CALN1: variants seen among roughly 807,000 people sequenced by gnomAD.
CALN1 encodes calcium-binding protein 8.
Under a neutral mutation model 30.6 loss-of-function variants are expected in CALN1, and 17 were observed. The ratio of observed to expected loss-of-function variants is 0.56; its 90% CI spans 0.38 to 0.83. The LOEUF (loss-of-function observed/expected upper bound fraction) is 0.83, where lower values mean the gene tolerates loss of function less well. Among genes scored for constraint, CALN1 ranks in the 40% least tolerant of loss-of-function variants. The pLI, the probability that CALN1 is intolerant of heterozygous loss-of-function variation, is 0.00. For synonymous variants in CALN1, 156 were observed against 131.4 expected (o/e 1.19, Z -1.28); for missense variants, 291 against 354.9 (o/e 0.82, Z 1.45).
At chr7:72,319,249 A>G (rs1259451251) in intron 2 of CALN1, among the ~76,000 whole-genome samples, 2 of 152,204 alleles carry the variant, frequency 1.3e-5, no homozygotes, top group East Asian at 3.8e-4. Context: ...AATTTACAAA[A>G]GAAAGAGGTT....
chr7:71,957,078 C>T (rs936852519), intron 5 of CALN1, among the ~76,000 whole-genome samples: 2 of 151,670 alleles, frequency 1.3e-5, no homozygotes, highest in Admixed American at 6.6e-5. Flanking sequence ...GTGGTGAAAG[C>T]GAAATGAGAC....
chr7:71,887,120 G>A (rs1159021848), intron 5 of CALN1, among the ~76,000 whole-genome samples: 4 of 152,174 alleles, frequency 2.6e-5, no homozygotes, highest in African/African-American at 9.6e-5. Flanking sequence ...GGGGAGCGCC[G>A]AGGGATTTTG....
chr7:72,014,355 G>A (rs1800261485), intron 5 of CALN1, among the ~76,000 whole-genome samples: 1 of 152,094 alleles, frequency 6.6e-6, no homozygotes, highest in Admixed American at 6.6e-5. Flanking sequence ...CCAAAGTGCT[G>A]GGATTACAGG....
intron 5 of CALN1, among the ~76,000 whole-genome samples, chr7:71,849,881 C>T (rs1790537834): frequency 6.6e-6 from 1 of 152,090 alleles, no homozygotes; most frequent in African/African-American, 2.4e-5. Context: ...AATCCTCCCG[C>T]CCAGGCCTTC....
intron 3 of CALN1, among the ~76,000 whole-genome samples, chr7:72,228,216 G>T (rs1242703651): frequency 2.0e-5 from 3 of 151,924 alleles, no homozygotes; most frequent in Non-Finnish European, 4.4e-5. Context: ...TTTGGTCAAA[G>T]AGAGAATGTA....
intron 3 of CALN1, among the ~76,000 whole-genome samples, chr7:72,180,483 C>A (rs1379048728): frequency 6.9e-6 from 1 of 145,564 alleles, no homozygotes; most frequent in Non-Finnish European, 1.5e-5. Context: ...CAATTAATTT[C>A]TTCCACAATT....
At chr7:72,352,893 A>C (rs1803009444) in intron 2 of CALN1, among the ~76,000 whole-genome samples, 1 of 152,182 alleles carries the variant, frequency 6.6e-6, no homozygotes, top group African/African-American at 2.4e-5. Context: ...AACACCAAGT[A>C]CCAAGATCAG....
intron 5 of CALN1, among the ~76,000 whole-genome samples, chr7:71,950,861 T>A (rs532261002): frequency 6.6e-6 from 1 of 152,302 alleles, no homozygotes; most frequent in Admixed American, 6.5e-5. Context: ...TTGTATCTAC[T>A]GTTCCTTCTG....
intron 6 of CALN1, among the ~76,000 whole-genome samples, chr7:71,805,116 C>T (rs144705726): frequency 6.6e-6 from 1 of 152,202 alleles, no homozygotes. Context: ...CTCTCCTGAG[C>T]TCCCAGCCCT....
At chr7:72,217,657 G>A (rs888280167) in intron 3 of CALN1, among the ~76,000 whole-genome samples, 3 of 151,696 alleles carry the variant, frequency 2.0e-5, no homozygotes, top group Non-Finnish European at 4.4e-5. Context: ...AAACCAGAAA[G>A]ACCCAACTGA....
At chr7:72,145,695 G>T (rs368985697) in intron 3 of CALN1, among the ~76,000 whole-genome samples, 4,024 of 152,102 alleles carry the variant, frequency 0.026, 181 homozygotes, top group African/African-American at 0.091. Flanking sequence ...CCAATATCCC[G>T]GATGAACATC....
chr7:72,016,996 T>TAGAAAAAAAAAAAAAAAAA (rs1800418372), intron 5 of CALN1, among the ~76,000 whole-genome samples: 1 of 26,564 alleles, frequency 3.8e-5, no homozygotes, highest in Non-Finnish European at 6.5e-5. Context: ...TTACTAAAAA[T>TAGAAAAAAAAAAAAAAAAA]ACAAAAAAAA....
At chr7:72,470,789 C>G in the CALN1 span, among the ~76,000 whole-genome samples, 1 of 152,150 alleles carries the variant, frequency 6.6e-6, no homozygotes, top group Admixed American at 6.5e-5. Context: ...GCAGGGGAAG[C>G]AAACCCATAT....
intron 3 of CALN1, among the ~76,000 whole-genome samples, chr7:72,129,651 T>C (rs372986769): frequency 3.3e-5 from 5 of 151,988 alleles, no homozygotes; most frequent in African/African-American, 1.2e-4. Context: ...AGAAGGAGGG[T>C]TGGTAGCTAG....
chr7:72,164,047 A>G (rs530968865), intron 3 of CALN1, among the ~76,000 whole-genome samples: 16 of 152,298 alleles, frequency 1.1e-4, no homozygotes, highest in African/African-American at 3.8e-4. Flanking sequence ...ATGGACTCTA[A>G]TCCAACAACT....
chr7:71,815,804 C>T (rs1268530118), intron 5 of CALN1, among the ~76,000 whole-genome samples: 16 of 121,082 alleles, frequency 1.3e-4, no homozygotes, highest in African/African-American at 4.6e-4. Flanking sequence ...CCCACCCTCC[C>T]GCCCTCCCTT....
At chr7:72,199,478 G>A (rs1333921390) in intron 3 of CALN1, among the ~76,000 whole-genome samples, 1 of 152,176 alleles carries the variant, frequency 6.6e-6, no homozygotes, top group East Asian at 1.9e-4. Context: ...GCTGAGCCGG[G>A]GGGCATTGCT....
chr7:71,881,538 T>C (rs964787887), intron 5 of CALN1, among the ~76,000 whole-genome samples: 2 of 152,152 alleles, frequency 1.3e-5, no homozygotes, highest in Non-Finnish European at 2.9e-5. Flanking sequence ...GGTTATCTTC[T>C]ACCAAGAAGC....
intron 5 of CALN1, among the ~76,000 whole-genome samples, chr7:71,832,419 G>C (rs1216551702): frequency 6.6e-6 from 1 of 152,082 alleles, no homozygotes; most frequent in Non-Finnish European, 1.5e-5. Context: ...CTTTTTGCTT[G>C]TGCTTAGCAA....
Sources: allele counts gnomAD v4.1 joint callset (sites outside exome capture counted in the v4.1 genomes callset), GRCh38; gene constraint gnomAD v4.1.1; transcripts MANE v1.5; gene names NCBI Gene and HGNC (gene_info 2026-07-23, HGNC 2026-07-21).